The following ANKRD26 variants were observed in gnomAD, a reference collection of about 807,000 sequenced individuals.
The protein encoded by ANKRD26 is ankyrin repeat domain 26.
Under a neutral mutation model 208.7 loss-of-function variants are expected in ANKRD26, and 141 were observed. The ratio of observed to expected loss-of-function variants is 0.68; its 90% confidence interval spans 0.59 to 0.78. The LOEUF (loss-of-function observed/expected upper bound fraction) is 0.78. Among genes scored for constraint, ANKRD26 ranks in the 30% least tolerant of loss-of-function variants. The pLI is 0.00. For synonymous variants in ANKRD26, 636 were observed against 660.4 expected (o/e 0.96, Z 0.57); for missense variants, 1,889 against 1,938.7 (o/e 0.97, Z 0.48).
In ANKRD26 at chr10:27,083,887, A is replaced by G. The variant is rs111761426; in HGVS notation, c.710-1054T>C. ...TATTATTTATGACTGCTTTCACATT[A>G]CAATGGCAGGGTTGCATAGCTATGA... On this transcript the variant is annotated intron_variant, in intron 5 of 33. Transcript: ENST00000376087. 2.2e-3 allele frequency among the ~76,000 whole-genome samples: 329 copies of G among 152,326 alleles called. 5 individuals are homozygous for G. The highest frequency in any genetic ancestry group is 7.7e-3 in the African/African-American group (318 of 41,562).
chr10:27,053,303 T>C lies in ANKRD26; in HGVS notation c.1635+17A>G. 1 of 1,576,662 alleles carries C rather than the reference T, an allele frequency of 6.3e-7. No individual in the cohort carries two copies. Among genetic ancestry groups the C allele is most frequent in the Non-Finnish European group, 8.7e-7 (1 of 1,151,276 alleles). On this transcript the variant is annotated intron_variant, in intron 16 of 33. Coordinates refer to ENST00000376087, the MANE Select transcript of ANKRD26 (RefSeq NM_014915.3). ...GAAAACAATATTAAACCAGAAATTTTTAAAAATATATAATACCTGTGGCTG... is the reference window on the plus strand; with the variant it reads ...GAAAACAATATTAAACCAGAAATTTCTAAAAATATATAATACCTGTGGCTG...
At chr10:26,998,273 A>C (rs552417004) in intron 4 of ANKRD26, among the ~76,000 whole-genome samples, 8 of 152,330 alleles carry the variant, frequency 5.3e-5, no homozygotes, top group Admixed American at 2.6e-4. Flanking sequence ...AAAATGATCT[A>C]ATCTGATTCT....
At chr10:27,054,221 CA>C (rs2135394567) in intron 15 of ANKRD26, among the ~76,000 whole-genome samples, 1 of 152,274 alleles carries the variant, frequency 6.6e-6, no homozygotes, top group East Asian at 1.9e-4. Context: ...TTTGTATAAA[CA>C]GTCTTTATCT....
At chr10:26,979,144 C>T (rs572588227) in intron 5 of ANKRD26, among the ~76,000 whole-genome samples, 6 of 152,160 alleles carry the variant, frequency 3.9e-5, no homozygotes, top group East Asian at 3.9e-4. Context: ...GGTGTGAACC[C>T]GGGAGGCGGA....
rs1330187724 is a variant in ANKRD26, at chr10:27,100,196, T to C, written c.131A>G (p.Asp44Gly). ...AYSQPGYHVRDRDLGKIHKAA... is the reference protein window; with the variant it reads ...AYSQPGYHVRGRDLGKIHKAA... ...TTTGTGGATCTTGCCGAGATCTCGG[T>C]CTCGGACGTGGTAGCCGGGCTGCGA... Residue 44 changes from aspartate (D) to glycine (G), a missense_variant, in exon 1 of 34, where the codon GAC becomes GGC. Around this residue, in one of 3 missense-constraint regions of ANKRD26, gnomAD observed 1,272 missense variants for 1,273.8 expected, o/e 1.00. Transcript: ENST00000376087. 4.3e-6 allele frequency: 7 copies of C among 1,613,748 alleles called. No homozygotes were observed. Among genetic ancestry groups the C allele is most frequent in the Non-Finnish European group, 5.9e-6 (7 of 1,179,964 alleles).
chr10:26,948,323 T>C, the ANKRD26 span, among the ~76,000 whole-genome samples: 6 of 145,418 alleles, frequency 4.1e-5, no homozygotes, highest in East Asian at 1.2e-3. Flanking sequence ...AGGTACATCT[T>C]CTCCAGCAAG....
chr10:26,996,504 G>A (rs1162353265), intron 4 of ANKRD26, among the ~76,000 whole-genome samples: 3 of 152,184 alleles, frequency 2.0e-5, no homozygotes, highest in Admixed American at 1.3e-4. Context: ...AGGTTGCAGC[G>A]AGCTGAGATT....
chr10:26,966,676 T>C, the ANKRD26 span, among the ~76,000 whole-genome samples: 1 of 152,234 alleles, frequency 6.6e-6, no homozygotes, highest in Admixed American at 6.5e-5. Flanking sequence ...AACTTCAGCA[T>C]ACCTTGTTTA....
At chr10:26,996,420 C>T (rs146684057) in intron 4 of ANKRD26, among the ~76,000 whole-genome samples, 226 of 152,218 alleles carry the variant, frequency 1.5e-3, no homozygotes, top group African/African-American at 5.1e-3. Context: ...ATCAGTTGGG[C>T]GTGGTGGCTC....
chr10:27,051,843 T>C (rs1564393063), intron 16 of ANKRD26: 19 of 985,260 alleles, frequency 1.9e-5, no homozygotes, highest in South Asian at 4.7e-5. Context: ...TAGTGACTCT[T>C]CCCCAGGAGA....
chr10:27,014,503 T>G lies in ANKRD26; in HGVS notation c.4715A>C (p.Lys1572Thr), dbSNP rs1250389794. The G allele has an allele frequency of 1.3e-6, 2 of 1,571,362 alleles. No homozygotes were observed. The highest frequency in any genetic ancestry group is 1.7e-6 in the Non-Finnish European group (2 of 1,146,624). ...ELKVRKSLSSKLTKTNERLAE... is the reference protein window; with the variant it reads ...ELKVRKSLSSTLTKTNERLAE... Reference sequence around the variant, plus strand: ...CTATATTTTGACTTACTTGGTTAGTTTACTTGACAAAGATTTTCTAACTTT... The same window carrying G: ...CTATATTTTGACTTACTTGGTTAGTGTACTTGACAAAGATTTTCTAACTTT... The change falls in exon 31 of 34, where the codon AAA becomes ACA. Residue 1572 changes from lysine to threonine, a missense_variant. Around this residue, in one of 3 missense-constraint regions of ANKRD26, gnomAD observed 613 missense variants for 648.2 expected, o/e 0.95. Coordinates refer to ENST00000376087, the MANE Select transcript of ANKRD26 (RefSeq NM_014915.3).
chr10:26,976,223 T>C (rs1330877086), intron 5 of ANKRD26, among the ~76,000 whole-genome samples: 1 of 3,552 alleles, frequency 2.8e-4, no homozygotes, highest in Non-Finnish European at 3.7e-4. Flanking sequence ...AATTTTTTTC[T>C]TTTTTTTTTG....
chr10:27,033,755 A>G (rs2053958004), intron 24 of ANKRD26, among the ~76,000 whole-genome samples: 1 of 152,216 alleles, frequency 6.6e-6, no homozygotes. Context: ...TAGAACATCA[A>G]ATCAACTTCA....
In ANKRD26 at chr10:27,100,204, G is replaced by C; in HGVS notation, c.123C>G (p.His41Gln). Residue 41 changes from histidine (H) to glutamine (Q), a missense_variant, in exon 1 of 34, where the codon CAC (histidine) becomes CAG (glutamine). By Grantham distance (24) the His-to-Gln change is conservative (BLOSUM62 0). Coordinates refer to ENST00000376087, the MANE Select transcript of ANKRD26 (RefSeq NM_014915.3). ...GEGAYSQPGY[H>Q]VRDRDLGKIH... is the part of the protein sequence containing the mutation. The stretch of plus-strand genomic sequence containing the variant: ...TCTTGCCGAGATCTCGGTCTCGGAC[G>C]TGGTAGCCGGGCTGCGAGTAGGCGC... The C allele has an allele frequency of 1.2e-6, 2 of 1,613,630 alleles. No homozygotes were observed. Among genetic ancestry groups the C allele is most frequent in the Non-Finnish European group, 1.7e-6 (2 of 1,179,930 alleles).
chr10:27,001,779 A>C (rs528608721), downstream of ANKRD26, among the ~76,000 whole-genome samples: 1 of 152,318 alleles, frequency 6.6e-6, no homozygotes, highest in South Asian at 2.1e-4. Flanking sequence ...GCATTCACCC[A>C]TGCAAGGTTT....
chr10:26,951,754 ATATTAAT>A, the ANKRD26 span, among the ~76,000 whole-genome samples: 733 of 152,322 alleles, frequency 4.8e-3, 5 homozygotes, highest in African/African-American at 0.017. Flanking sequence ...ATGTTGAATA[ATATTAAT>A]TATAATACTG....
the ANKRD26 span, among the ~76,000 whole-genome samples, chr10:26,962,092 G>C: frequency 6.6e-6 from 1 of 152,142 alleles, no homozygotes; most frequent in Admixed American, 6.5e-5. Flanking sequence ...GGGCTTTCCA[G>C]ACAGAGGGGA....
intron 20 of ANKRD26, among the ~76,000 whole-genome samples, chr10:27,042,217 T>A (rs1406950053): frequency 6.6e-6 from 1 of 152,214 alleles, no homozygotes; most frequent in Non-Finnish European, 1.5e-5. Context: ...GCCTTTCTGA[T>A]GTATGATGCT....
intron 30 of ANKRD26, among the ~76,000 whole-genome samples, chr10:27,016,275 T>A (rs2134953381): frequency 6.6e-6 from 1 of 152,080 alleles, no homozygotes; most frequent in South Asian, 2.1e-4. Flanking sequence ...AGGTGTGAGC[T>A]ACCATGCCCA....
Sources: allele counts gnomAD v4.1 joint callset (sites outside exome capture counted in the v4.1 genomes callset), GRCh38; gene constraint gnomAD v4.1.1; regional missense constraint gnomAD v4.1.1; transcripts MANE v1.5; gene names NCBI Gene and HGNC (gene_info 2026-07-23, HGNC 2026-07-21).